BCL6: variants seen among roughly 807,000 people sequenced by gnomAD.
BCL6 encodes the protein B-cell lymphoma 6 protein.
Under a neutral mutation model 59.5 loss-of-function variants are expected in BCL6, and 7 were observed. The observed-to-expected ratio is 0.12, with a 90% confidence interval of 0.07 to 0.22. BCL6 has a LOEUF of 0.22. BCL6 is among the 10% of genes least tolerant of loss of function. The probability of loss-of-function intolerance (pLI) is 1.00; values close to 1 mark genes in which losing one functional copy is unlikely to be tolerated. For missense variants in BCL6, 685 were observed against 939.4 expected, an observed-to-expected ratio of 0.73 and a Z score of 3.54; for synonymous variants, 339 against 349.7, an observed-to-expected ratio of 0.97 and a Z score of 0.34.
At chr3:187,735,149 T>C (rs1719227690) in intron 1 of BCL6, among the ~76,000 whole-genome samples, 1 of 152,214 alleles carries the variant, frequency 6.6e-6, no homozygotes, top group East Asian at 1.9e-4. Flanking sequence ...ATTGCATACA[T>C]TAATTAGTTA....
At chr3:187,728,608 C>T in intron 5 of BCL6, 64 bp from the exon 6 acceptor site, 1 of 1,505,522 alleles carries the variant, frequency 6.6e-7, no homozygotes, top group Non-Finnish European at 8.9e-7. Context: ...CCCTCTCCTC[C>T]CTGTGTGTAG....
chr3:187,741,976 C>G (rs1344922841), intron 1 of BCL6, among the ~76,000 whole-genome samples: 1 of 150,814 alleles, frequency 6.6e-6, no homozygotes, highest in African/African-American at 2.5e-5. Context: ...ACCCTCCCCC[C>G]ACCAAAAAAA....
chr3:187,725,333 A>T lies in BCL6; in HGVS notation c.1839+166T>A, dbSNP rs1328375545. 6.8e-6 allele frequency among the ~76,000 whole-genome samples: 1 copy of T among 146,958 alleles called. No individual in the cohort carries two copies. Among genetic ancestry groups the T allele is most frequent in the Non-Finnish European group, 1.5e-5 (1 of 67,004 alleles). ...ACCTGCCCGCTCTGCTCACCTGCAC[A>T]CGGGGACTGAGTGGGACTTTCTCCT... On this transcript the variant is annotated intron_variant, in intron 8 of 9. Coordinates refer to ENST00000406870, the MANE Select transcript of BCL6 (RefSeq NM_001706.5). The surrounding 1 kb of genome is among the most constrained non-coding windows in gnomAD (Gnocchi z 4.7).
chr3:187,745,049 T>C (rs1418215745), intron 1 of BCL6, among the ~76,000 whole-genome samples: 4 of 150,842 alleles, frequency 2.7e-5, no homozygotes, highest in East Asian at 3.9e-4. Context: ...CCACCTCCTT[T>C]CCAAAAACCA....
rs1579803699 is a variant in BCL6 at position 187,725,086 on chromosome 3, A to G, written c.1840-8T>C. 6.2e-7 allele frequency: 1 copy of G among 1,613,624 alleles called. No homozygotes were observed. The highest frequency in any genetic ancestry group is 8.5e-7 in the Non-Finnish European group (1 of 1,179,988). On this transcript the variant is annotated splice_polypyrimidine_tract_variant and splice_region_variant and intron_variant, in intron 8 of 9. Transcript: ENST00000406870. This position sits in a 1 kb window ranked among gnomAD's most constrained non-coding sequence, Gnocchi z 4.7. ...GGCACGGAGGTGGGCCACCTGAACG[A>G]AGAAGAAGGCATGAGAGGTCTTCTG...
intron 4 of BCL6, among the ~76,000 whole-genome samples, chr3:187,731,475 G>A (rs1560152443): frequency 6.6e-6 from 1 of 152,018 alleles, no homozygotes. Flanking sequence ...GGTATATTAA[G>A]TGAATGGAAG....
chr3:187,724,650 T>C, intron 9 of BCL6: 1 of 398,378 alleles, frequency 2.5e-6, no homozygotes, highest in East Asian at 4.5e-5. Flanking sequence ...GAATCAAGTC[T>C]ATGTATCCAC....
chr3:187,725,767 G>A lies in BCL6; in HGVS notation c.1709-138C>T. ...TTCCTTTCCCTTAGGGAATGTGAGA[G>A]AGAGAATCCAGGGGCCTGCCCCCAC... On this transcript the variant is annotated intron_variant, in intron 7 of 9. Transcript: ENST00000406870. This position sits in a 1 kb window ranked among gnomAD's most constrained non-coding sequence, Gnocchi z 4.7. 8.9e-7 allele frequency: 1 copy of A among 1,126,116 alleles called. No homozygotes were observed. Among genetic ancestry groups the A allele is most frequent in the Admixed American group, 2.6e-5 (1 of 37,810 alleles). 69.8% of individuals were successfully genotyped at this position (1,126,116 alleles called of 1,614,324 possible).
rs150656653 is a variant in BCL6, at chr3:187,729,239, T to C, written c.1166A>G (p.Asn389Ser). 165 of 1,614,150 alleles carry C rather than the reference T, an allele frequency of 1.0e-4. No homozygotes were observed. The African/African-American group carries it at 1.8e-3, about 17-fold the overall frequency. Residue 389 changes from asparagine (N) to serine (S), a missense_variant, in exon 5 of 10, where the codon AAT (asparagine) becomes AGT (serine). Transcript: ENST00000406870. This position sits in a 1 kb window ranked among gnomAD's most constrained non-coding sequence, Gnocchi z 5.6. ...KFIVLNSLNQ[N>S]AKPEGPEQAE... ...CTGCTCAGGCCCCTCTGGTTTGGCA[T>C]TCTGGTTGAGGCTGTTGAGCACGAT...
In BCL6 at chr3:187,729,593, C is replaced by T. The variant is rs1456520855; in HGVS notation, c.812G>A (p.Ser271Asn). The change falls in exon 5 of 10, where the codon AGT (serine) becomes AAT (asparagine). Residue 271 changes from serine (S) to asparagine (N), a missense_variant. Transcript: ENST00000406870. The surrounding 1 kb of genome is among the most constrained non-coding windows in gnomAD (Gnocchi z 5.6). ...PKETIPEEAR[S>N]DMHYSVAEGL... is the part of the protein sequence containing the mutation. ...CTCAGCCACACTGTAGTGCATATCACTTCGTGCCTCTTCTGGGATTGTTTC... is the reference window on the plus strand; with the variant it reads ...CTCAGCCACACTGTAGTGCATATCATTTCGTGCCTCTTCTGGGATTGTTTC... The T allele has an allele frequency of 6.2e-7, 1 of 1,614,166 alleles. No individual in the cohort carries two copies. The highest frequency in any genetic ancestry group is 1.1e-5 in the South Asian group (1 of 91,082).
At chr3:187,739,844 T>G (rs909967293) in intron 1 of BCL6, among the ~76,000 whole-genome samples, 1 of 152,124 alleles carries the variant, frequency 6.6e-6, no homozygotes, top group Non-Finnish European at 1.5e-5. Context: ...ACAATGCCTT[T>G]AAAAATCCGA....
At chr3:187,728,748 G>A (rs756350422) in intron 5 of BCL6, among the ~76,000 whole-genome samples, 4 of 152,064 alleles carry the variant, frequency 2.6e-5, no homozygotes, top group Non-Finnish European at 4.4e-5. Context: ...GAGCTTCCCC[G>A]CAGCCCACAA....
rs1159893808 is a variant in BCL6 at position 187,728,372 on chromosome 3, C to T, written c.1528G>A (p.Asp510Asn). 6.3e-7 allele frequency: 1 copy of T among 1,595,386 alleles called. No homozygotes were observed. Among genetic ancestry groups the T allele is most frequent in the East Asian group, 2.3e-5 (1 of 44,378 alleles). ...EMGETQSEYS[D>N]SSCENGAFFC... ...GAAAAGGACTCACCACAGCTAGAAT[C>T]TGAGTACTCAGACTGGGTCTCTCCC... Residue 510 changes from aspartate (D) to asparagine (N), a missense_variant, in exon 6 of 10, where the codon GAT becomes AAT. This residue lies in a region of BCL6 where 207 missense variants were observed against 213.7 expected (regional missense o/e 0.97). Transcript: ENST00000406870.
intron 3 of BCL6, among the ~76,000 whole-genome samples, chr3:187,732,849 T>A (rs982679261): frequency 1.3e-5 from 2 of 152,230 alleles, no homozygotes; most frequent in Admixed American, 6.5e-5. Flanking sequence ...AAAAATCAGG[T>A]GCTTAGAGTA....
In BCL6 at chr3:187,725,104, G is replaced by T; in HGVS notation, c.1840-26C>A. On this transcript the variant is annotated intron_variant, in intron 8 of 9. Coordinates refer to ENST00000406870, the MANE Select transcript of BCL6 (RefSeq NM_001706.5). This position sits in a 1 kb window ranked among gnomAD's most constrained non-coding sequence, Gnocchi z 4.7. ...CTGAACGAAGAAGAAGGCATGAGAG[G>T]TCTTCTGGGGTGGGCTGCAGGCCTC... The T allele has an allele frequency of 6.2e-7, 1 of 1,613,020 alleles. No homozygotes were observed. Among genetic ancestry groups the T allele is most frequent in the South Asian group, 1.1e-5 (1 of 91,030 alleles).
At chr3:187,728,203 C>T (rs941859449) in intron 6 of BCL6, among the ~76,000 whole-genome samples, 157 bp downstream of exon 6, 1 of 152,216 alleles carries the variant, frequency 6.6e-6, no homozygotes, top group Non-Finnish European at 1.5e-5. Flanking sequence ...AGAAGCGAAG[C>T]GTGGGATGAA....
intron 1 of BCL6, among the ~76,000 whole-genome samples, chr3:187,745,017 T>A (rs551325854): frequency 2.0e-5 from 3 of 149,546 alleles, no homozygotes; most frequent in Admixed American, 6.6e-5. Context: ...GGCCGCCCCC[T>A]AATTCCCCTC....
chr3:187,733,554 T>G lies in BCL6; in HGVS notation c.140A>C (p.Lys47Thr), dbSNP rs2108471555. 1 of 1,614,020 alleles carries G rather than the reference T, an allele frequency of 6.2e-7. No homozygotes were observed. The highest frequency in any genetic ancestry group is 1.7e-4 in the Middle Eastern group (1 of 6,060). The change falls in exon 3 of 10, where the codon AAA (lysine) becomes ACA (threonine). Residue 47 changes from lysine (K) to threonine (T), a missense_variant. By Grantham distance (78) the Lys-to-Thr change is moderately conservative. Transcript: ENST00000406870. ...TCACCTGCAGGCCATGAGGACCGTT[T>G]TATGGGCTCTAAACTGCTCACGGCT... is the stretch of plus-strand genomic sequence containing the variant. ...VVSREQFRAH[K>T]TVLMACSGLF... is the part of the protein sequence containing the mutation.
chr3:187,725,770 A>C lies in BCL6; in HGVS notation c.1709-141T>G, dbSNP rs1718660038. Reference sequence around the variant, plus strand: ...CTTTCCCTTAGGGAATGTGAGAGAGAGAATCCAGGGGCCTGCCCCCACATC... The same window carrying C: ...CTTTCCCTTAGGGAATGTGAGAGAGCGAATCCAGGGGCCTGCCCCCACATC... On this transcript the variant is annotated intron_variant, in intron 7 of 9. Transcript: ENST00000406870. This position sits in a 1 kb window ranked among gnomAD's most constrained non-coding sequence, Gnocchi z 4.7. 9.2e-7 allele frequency: 1 copy of C among 1,088,878 alleles called. No homozygotes were observed. Among genetic ancestry groups the C allele is most frequent in the Admixed American group, 2.7e-5 (1 of 37,436 alleles). 67.5% of individuals were successfully genotyped at this position (1,088,878 alleles called of 1,614,324 possible). A position where few individuals can be genotyped will look rare whatever the true frequency, so the allele number is the denominator to read the frequency against.
Sources: allele counts gnomAD v4.1 joint callset (sites outside exome capture counted in the v4.1 genomes callset), GRCh38; gene constraint gnomAD v4.1.1; regional missense constraint gnomAD v4.1.1; non-coding constraint Gnocchi (gnomAD v3.1); transcripts MANE v1.5; gene names NCBI Gene and HGNC (gene_info 2026-07-23, HGNC 2026-07-21).